LAMA1: variants seen among roughly 807,000 people sequenced by gnomAD.
LAMA1 encodes laminin subunit alpha 1.
Under a neutral mutation model 348.7 loss-of-function variants are expected in LAMA1, and 219 were observed. That is an observed-to-expected ratio of 0.63 (90% CI 0.56 to 0.70). The LOEUF (loss-of-function observed/expected upper bound fraction) is 0.70, where lower values mean the gene tolerates loss of function less well. LAMA1 is among the 30% of genes least tolerant of loss of function. LAMA1 has a pLI of 0.00. For synonymous variants in LAMA1, 1,487 were observed against 1,491.0 expected (o/e 1.00, Z 0.06); for missense variants, 3,744 against 3,888.0 (o/e 0.96, Z 0.99).
At chr18:7,083,784 G>T (rs1232442584) in intron 1 of LAMA1, among the ~76,000 whole-genome samples, 3 of 151,960 alleles carry the variant, frequency 2.0e-5, no homozygotes, top group Non-Finnish European at 4.4e-5. Flanking sequence ...ATGAAAGAAG[G>T]TTGGGGCCGG....
intron 42 of LAMA1, among the ~76,000 whole-genome samples, chr18:6,979,826 G>C (rs2057701825): frequency 6.6e-6 from 1 of 152,242 alleles, no homozygotes; most frequent in African/African-American, 2.4e-5. Flanking sequence ...GTGAACCCGG[G>C]GGGCGGAGCT....
At chr18:7,019,422 C>T (rs1187830114) in intron 19 of LAMA1, among the ~76,000 whole-genome samples, 3 of 152,056 alleles carry the variant, frequency 2.0e-5, no homozygotes, top group Non-Finnish European at 4.4e-5. Context: ...ATTTAAAGTT[C>T]AATGCAAGTA....
At chr18:7,083,305 C>T (rs1034591861) in intron 1 of LAMA1, among the ~76,000 whole-genome samples, 2 of 151,626 alleles carry the variant, frequency 1.3e-5, no homozygotes, top group Admixed American at 6.6e-5. Flanking sequence ...CCTGCCTCAG[C>T]CTCCTGAGTA....
At chr18:7,065,425 G>A (rs2058119057) in intron 3 of LAMA1, among the ~76,000 whole-genome samples, 1 of 151,724 alleles carries the variant, frequency 6.6e-6, no homozygotes, top group Non-Finnish European at 1.5e-5. Context: ...CAACTGATAA[G>A]AAAGCTTATG....
At chr18:7,004,531 T>C (rs910988223) in intron 29 of LAMA1, among the ~76,000 whole-genome samples, 1 of 152,170 alleles carries the variant, frequency 6.6e-6, no homozygotes, top group Non-Finnish European at 1.5e-5. Context: ...TTTGTATTTT[T>C]AGTAGAGATG....
At chr18:7,008,819 T>G (rs1259672934) in intron 27 of LAMA1, among the ~76,000 whole-genome samples, 3 of 152,196 alleles carry the variant, frequency 2.0e-5, no homozygotes, top group African/African-American at 7.2e-5. Context: ...AAAAATAATG[T>G]GACACAAGTA....
intron 3 of LAMA1, among the ~76,000 whole-genome samples, chr18:7,069,304 A>T (rs2058136248): frequency 6.6e-6 from 1 of 152,214 alleles, no homozygotes; most frequent in South Asian, 2.1e-4. Context: ...TTAAAAGAAC[A>T]GTATGTGCAT....
intron 51 of LAMA1, 102 bp from the exon 52 acceptor site, chr18:6,962,161 C>A: frequency 1.3e-6 from 1 of 795,910 alleles, no homozygotes; most frequent in East Asian, 2.5e-5. Context: ...GTGGCTTATG[C>A]CTGTAATCCC....
intron 3 of LAMA1, among the ~76,000 whole-genome samples, chr18:7,075,470 A>G (rs1050709115): frequency 6.6e-6 from 1 of 152,034 alleles, no homozygotes; most frequent in Non-Finnish European, 1.5e-5. Flanking sequence ...TAAAAATACA[A>G]AATTAGCCGG....
rs113280905 is a variant in LAMA1 at position 7,047,234 on chromosome 18, G to A, written c.769-867C>T. On this transcript the variant is annotated intron_variant, in intron 5 of 62. Coordinates refer to ENST00000389658, the MANE Select transcript of LAMA1 (RefSeq NM_005559.4). ...TAATTTTTGTATTTTTAGTAGAGACGGGGTTTCACCGTGTTAGCCAGGATG... is the reference window on the plus strand; with the variant it reads ...TAATTTTTGTATTTTTAGTAGAGACAGGGTTTCACCGTGTTAGCCAGGATG... Among the ~76,000 whole-genome samples the A allele has an allele frequency of 5.3e-4, 80 of 151,966 alleles. 1 individual carries two copies. Among genetic ancestry groups the A allele is most frequent in the African/African-American group, 1.9e-3 (78 of 41,466 alleles).
intron 36 of LAMA1, 119 bp downstream of exon 36, chr18:6,992,442 T>C (rs2057762835): frequency 8.8e-7 from 1 of 1,138,738 alleles, no homozygotes; most frequent in Non-Finnish European, 1.3e-6. Flanking sequence ...TTCTCCTCTC[T>C]TAGGATATTT....
chr18:6,953,247 T>C (rs1224373772), intron 57 of LAMA1, among the ~76,000 whole-genome samples: 1 of 152,250 alleles, frequency 6.6e-6, no homozygotes, highest in East Asian at 1.9e-4. Flanking sequence ...GGCCCATTGG[T>C]CACTTTATAG....
chr18:7,051,907 T>C (rs906818455), intron 3 of LAMA1, among the ~76,000 whole-genome samples: 1 of 152,110 alleles, frequency 6.6e-6, no homozygotes, highest in African/African-American at 2.4e-5. Context: ...TTCTCAGTAA[T>C]AAAAATGCTC....
At position 7,080,599 on chromosome 18, in the gene LAMA1, C is replaced by T. The variant is rs201815440; in HGVS notation, c.62-142G>A. On this transcript the variant is annotated intron_variant, in intron 1 of 62. Transcript: ENST00000389658. The stretch of plus-strand genomic sequence containing the variant: ...GGAATCCTTACACAAACACCGTATA[C>T]GCAGCATGGTTTCATCTATATGAAA... The T allele has an allele frequency of 8.4e-5, 73 of 871,996 alleles. No individual in the cohort carries two copies. In the East Asian group the frequency reaches 1.2e-3, roughly 14 times the overall value. 54.0% of individuals were successfully genotyped at this position (871,996 alleles called of 1,614,324 possible).
At chr18:7,023,927 C>T (rs1261564547) in intron 18 of LAMA1, among the ~76,000 whole-genome samples, 1 of 152,192 alleles carries the variant, frequency 6.6e-6, no homozygotes, top group Non-Finnish European at 1.5e-5. Context: ...CAACCTCCAC[C>T]TCCCAGGTTC....
intron 19 of LAMA1, among the ~76,000 whole-genome samples, chr18:7,019,674 C>CT (rs35235323): frequency 0.024 from 2,252 of 94,514 alleles, 39 homozygotes; most frequent in Middle Eastern, 0.053. Context: ...TATGGTAATT[C>CT]TTTTTTTTTT....
chr18:6,987,477 A>G lies in LAMA1; in HGVS notation c.5169-1130T>C, dbSNP rs184176672. ...ACCATGGATAAATGCAAGCTTTAGAATACCAAAAGATTTTTTTCCTATGTC... is the reference window on the plus strand; with the variant it reads ...ACCATGGATAAATGCAAGCTTTAGAGTACCAAAAGATTTTTTTCCTATGTC... On this transcript the variant is annotated intron_variant, in intron 36 of 62. Coordinates refer to ENST00000389658, the MANE Select transcript of LAMA1 (RefSeq NM_005559.4). 5.3e-5 allele frequency among the ~76,000 whole-genome samples: 8 copies of G among 152,356 alleles called. No individual in the cohort carries two copies. In the Middle Eastern group the frequency reaches 0.017, roughly 324 times the overall value.
At chr18:7,038,627 G>A (rs2144176915) in intron 11 of LAMA1, 183 bp downstream of exon 11, 2 of 762,362 alleles carry the variant, frequency 2.6e-6, no homozygotes, top group South Asian at 1.5e-5. Context: ...GTGGGAGTAA[G>A]CACATGACCT....
At chr18:7,002,838 A>G (rs948730791) in intron 29 of LAMA1, among the ~76,000 whole-genome samples, 9 of 152,130 alleles carry the variant, frequency 5.9e-5, no homozygotes, top group Admixed American at 5.9e-4. Context: ...AGCACCACTG[A>G]TAGATTACTG....
Sources: gnomAD v4.1 joint callset for allele counts (sites outside exome capture counted in the v4.1 genomes callset) on GRCh38, gnomAD v4.1.1 for gene constraint, MANE v1.5 for transcripts, NCBI Gene and HGNC (gene_info 2026-07-23, HGNC 2026-07-21) for gene names.